The following GPHN variants were observed in gnomAD, a reference collection of about 807,000 sequenced individuals.
The protein encoded by GPHN is gephyrin.
A neutral mutation model predicts 95.5 loss-of-function variants in GPHN; 17 were observed. The observed-to-expected ratio is 0.18, with a 90% CI of 0.12 to 0.27. GPHN has a LOEUF of 0.27. Among genes scored for constraint, GPHN ranks in the 10% least tolerant of loss-of-function variants. The probability of loss-of-function intolerance (pLI) is 1.00; values close to 1 mark genes in which losing one functional copy is unlikely to be tolerated. For synonymous variants in GPHN, 320 were observed against 322.5 expected (o/e 0.99, Z 0.08); for missense variants, 660 against 978.1 (o/e 0.67, Z 4.34).
intron 2 of GPHN, among the ~76,000 whole-genome samples, chr14:66,745,770 T>C (rs1011152749): frequency 6.6e-6 from 1 of 151,990 alleles, no homozygotes; most frequent in Non-Finnish European, 1.5e-5. Flanking sequence ...GTGTTCATGA[T>C]GCCCTAATTG....
chr14:66,801,589 C>T (rs1381157527), intron 3 of GPHN, among the ~76,000 whole-genome samples: 1 of 143,496 alleles, frequency 7.0e-6, no homozygotes, highest in African/African-American at 2.6e-5. Flanking sequence ...CACTCTCTCT[C>T]TCTCTCCCTC....
At chr14:66,800,242 C>T (rs568438939) in intron 3 of GPHN, among the ~76,000 whole-genome samples, 1 of 151,974 alleles carries the variant, frequency 6.6e-6, no homozygotes, top group Non-Finnish European at 1.5e-5. Flanking sequence ...AGTCTGCAAA[C>T]CCCAGTTACA....
intron 8 of GPHN, among the ~76,000 whole-genome samples, chr14:66,925,319 A>G (rs534620220): frequency 6.6e-6 from 1 of 152,292 alleles, no homozygotes; most frequent in Admixed American, 6.5e-5. Flanking sequence ...AATGTACAAC[A>G]AATTATTGCT....
chr14:66,837,257 T>C (rs1181198700), intron 4 of GPHN, among the ~76,000 whole-genome samples: 1 of 151,688 alleles, frequency 6.6e-6, no homozygotes, highest in Non-Finnish European at 1.5e-5. Context: ...TGGAATACTA[T>C]GCAGCCATAA....
the GPHN span, chr14:67,347,582 A>G: frequency 1.4e-6 from 1 of 717,998 alleles, no homozygotes; most frequent in South Asian, 1.9e-5. Flanking sequence ...CCTCACCGCA[A>G]CCTCTGCCTC....
chr14:67,009,111 G>A (rs1253576359), intron 9 of GPHN, among the ~76,000 whole-genome samples: 1 of 151,542 alleles, frequency 6.6e-6, no homozygotes, highest in Non-Finnish European at 1.5e-5. Context: ...CCCTTTCCTT[G>A]TGTGTTTGTT....
the GPHN span, chr14:67,555,728 G>C: frequency 6.5e-7 from 1 of 1,533,976 alleles, no homozygotes; most frequent in Middle Eastern, 1.7e-4. Flanking sequence ...AGTCTGGCCT[G>C]TGTGCAGTGT....
At chr14:67,279,196 A>G in the GPHN span, 36 of 1,605,402 alleles carry the variant, frequency 2.2e-5, no homozygotes, top group Non-Finnish European at 3.0e-5. Flanking sequence ...ATGAATGGGC[A>G]TGTTACAGAG....
At chr14:67,108,750 T>G (rs1453345547) in intron 13 of GPHN, among the ~76,000 whole-genome samples, 4 of 150,002 alleles carry the variant, frequency 2.7e-5, no homozygotes, top group African/African-American at 9.8e-5. Flanking sequence ...TGTGTGTGTG[T>G]GTGGTTTATT....
the GPHN span, among the ~76,000 whole-genome samples, chr14:67,316,350 A>G: frequency 6.6e-6 from 1 of 152,184 alleles, no homozygotes; most frequent in African/African-American, 2.4e-5. Flanking sequence ...TACACAAAAG[A>G]AGAGGAATTG....
At chr14:66,728,916 A>G (rs1389902392) in intron 2 of GPHN, among the ~76,000 whole-genome samples, 1 of 152,192 alleles carries the variant, frequency 6.6e-6, no homozygotes, top group Non-Finnish European at 1.5e-5. Flanking sequence ...GTCCCCACCC[A>G]GATCTCATCT....
intron 1 of GPHN, among the ~76,000 whole-genome samples, chr14:66,678,762 C>A (rs1409468214): frequency 6.6e-6 from 1 of 151,934 alleles, no homozygotes; most frequent in Non-Finnish European, 1.5e-5. Flanking sequence ...TCTATAGTGT[C>A]ATTTGGGTAG....
chr14:67,464,726 C>G, the GPHN span, among the ~76,000 whole-genome samples: 4 of 152,238 alleles, frequency 2.6e-5, no homozygotes, highest in African/African-American at 9.6e-5. Flanking sequence ...GAGAAGCTCC[C>G]TATTCATTTG....
rs111534700 is a variant in GPHN, at chr14:66,536,318, C to T, written c.64+27727C>T. ...ATTTTTTGCTTTTGTTGAGATAAAT[C>T]ATATGGTTGTATCCTTAATTCTGTG... On this transcript the variant is annotated intron_variant, in intron 1 of 22. Coordinates refer to ENST00000478722, the MANE Select transcript of GPHN (RefSeq NM_020806.5). Among the ~76,000 whole-genome samples the T allele has an allele frequency of 6.6e-4, 100 of 152,226 alleles. 2 individuals carry two copies. The highest frequency in any genetic ancestry group is 2.4e-3 in the African/African-American group (98 of 41,550).
intron 4 of GPHN, among the ~76,000 whole-genome samples, chr14:66,877,327 T>C (rs945656587): frequency 1.3e-5 from 2 of 152,112 alleles, no homozygotes; most frequent in Non-Finnish European, 2.9e-5. Context: ...AAACTGGCAC[T>C]AGACAAGGAT....
chr14:67,354,147 T>G, the GPHN span, among the ~76,000 whole-genome samples: 1 of 152,168 alleles, frequency 6.6e-6, no homozygotes, highest in African/African-American at 2.4e-5. Flanking sequence ...GAAAATGGAC[T>G]AAGACAACTG....
At chr14:67,529,702 C>T in the GPHN span, among the ~76,000 whole-genome samples, 9 of 152,192 alleles carry the variant, frequency 5.9e-5, no homozygotes, top group African/African-American at 2.2e-4. Context: ...CCATGGTTAC[C>T]TCACCTCTCA....
intron 19 of GPHN, among the ~76,000 whole-genome samples, chr14:67,161,011 C>T (rs148247144): frequency 1.7e-3 from 264 of 152,338 alleles, no homozygotes; most frequent in Non-Finnish European, 2.5e-3. Flanking sequence ...TGAATTGGGG[C>T]TGGGCATGGT....
At chr14:66,773,567 T>A (rs2059264193) in intron 2 of GPHN, among the ~76,000 whole-genome samples, 1 of 152,144 alleles carries the variant, frequency 6.6e-6, no homozygotes. Context: ...TTGGTCAGGC[T>A]GGTCTTGAAC....
Sources: gnomAD v4.1 joint callset for allele counts (sites outside exome capture counted in the v4.1 genomes callset) on GRCh38, gnomAD v4.1.1 for gene constraint, MANE v1.5 for transcripts, NCBI Gene and HGNC (gene_info 2026-07-23, HGNC 2026-07-21) for gene names.